GRID2: variants seen among roughly 807,000 people sequenced by gnomAD.
GRID2 encodes the protein glutamate receptor ionotropic, delta-2.
A neutral mutation model predicts 114.8 loss-of-function variants in GRID2; 33 were observed. The observed-to-expected ratio is 0.29, with a 90% CI of 0.22 to 0.38. The LOEUF is 0.38. Ranked by LOEUF, GRID2 falls within the 10% of genes least tolerant of loss-of-function variation. The pLI, the probability that GRID2 is intolerant of heterozygous loss-of-function variation, is 1.00. For missense variants in GRID2, 1,184 were observed against 1,257.7 expected, an observed-to-expected ratio of 0.94 and a Z score of 0.89; for synonymous variants, 505 against 449.9, an observed-to-expected ratio of 1.12 and a Z score of -1.55.
intron 1 of GRID2, among the ~76,000 whole-genome samples, chr4:92,564,356 AT>A (rs911441941): frequency 6.6e-6 from 1 of 152,062 alleles, no homozygotes; most frequent in Non-Finnish European, 1.5e-5. Flanking sequence ...TAAAAAAATC[AT>A]TGTTGCCCCT....
At chr4:92,919,545 T>C (rs1749125409) in intron 2 of GRID2, among the ~76,000 whole-genome samples, 1 of 152,224 alleles carries the variant, frequency 6.6e-6, no homozygotes, top group Non-Finnish European at 1.5e-5. Flanking sequence ...GATTCTGGTA[T>C]GTTGTGTCTT....
At chr4:93,685,170 T>C (rs1480260691) in intron 14 of GRID2, among the ~76,000 whole-genome samples, 1 of 152,096 alleles carries the variant, frequency 6.6e-6, no homozygotes, top group African/African-American at 2.4e-5. Context: ...CTTTATCATG[T>C]AAAGAAGAAA....
intron 1 of GRID2, among the ~76,000 whole-genome samples, chr4:92,333,364 C>T (rs1192942194): frequency 6.6e-6 from 1 of 152,168 alleles, no homozygotes; most frequent in Non-Finnish European, 1.5e-5. Flanking sequence ...AATGCTGAGG[C>T]CCCACAGGTG....
intron 1 of GRID2, among the ~76,000 whole-genome samples, chr4:92,353,622 T>G (rs1316386397): frequency 1.3e-5 from 2 of 152,040 alleles, no homozygotes; most frequent in Non-Finnish European, 2.9e-5. Context: ...ACAGAAGTTT[T>G]CTTGAACACC....
chr4:92,431,236 G>A (rs13150227), intron 1 of GRID2, among the ~76,000 whole-genome samples: 1,656 of 152,180 alleles, frequency 0.011, 21 homozygotes, highest in Non-Finnish European at 0.019. Flanking sequence ...TACTAGCTGT[G>A]GATTTGTCAT....
chr4:93,163,552 C>T (rs899617854), intron 4 of GRID2, among the ~76,000 whole-genome samples: 3 of 148,292 alleles, frequency 2.0e-5, no homozygotes, highest in Non-Finnish European at 4.5e-5. Context: ...GTGTGAATCA[C>T]TGCACTTGCC....
chr4:92,693,940 T>A (rs1179999810), intron 2 of GRID2, among the ~76,000 whole-genome samples: 1 of 152,116 alleles, frequency 6.6e-6, no homozygotes, highest in Non-Finnish European at 1.5e-5. Flanking sequence ...GTTGTGATAA[T>A]AACCAGAATT....
chr4:93,528,523 A>G (rs1439007639), intron 13 of GRID2, among the ~76,000 whole-genome samples: 3 of 151,692 alleles, frequency 2.0e-5, no homozygotes, highest in East Asian at 1.9e-4. Flanking sequence ...CTATTTTAGT[A>G]TGCATTTTTA....
intron 2 of GRID2, among the ~76,000 whole-genome samples, chr4:92,749,094 A>C (rs974402878): frequency 6.6e-6 from 1 of 151,314 alleles, no homozygotes; most frequent in Non-Finnish European, 1.5e-5. Context: ...CCCAGGTGCA[A>C]GCGATTCTCC....
intron 1 of GRID2, among the ~76,000 whole-genome samples, chr4:92,422,501 C>T (rs990551129): frequency 1.3e-5 from 2 of 151,998 alleles, no homozygotes; most frequent in Admixed American, 1.3e-4. Flanking sequence ...TTAAGGACAA[C>T]TTGGTGGGGA....
chr4:93,289,249 T>C (rs1287807263), intron 8 of GRID2, among the ~76,000 whole-genome samples: 1 of 152,180 alleles, frequency 6.6e-6, no homozygotes, highest in Non-Finnish European at 1.5e-5. Flanking sequence ...AAGTTTCTAT[T>C]ATCATACTGA....
At chr4:93,247,543 C>T (rs1748346353) in intron 8 of GRID2, among the ~76,000 whole-genome samples, 2 of 152,016 alleles carry the variant, frequency 1.3e-5, no homozygotes, top group Non-Finnish European at 2.9e-5. Context: ...ACCATCAGCC[C>T]CCCAGTTCTC....
intron 4 of GRID2, among the ~76,000 whole-genome samples, chr4:93,128,770 A>G (rs1246117505): frequency 1.3e-5 from 2 of 152,172 alleles, no homozygotes; most frequent in African/African-American, 4.8e-5. Flanking sequence ...TCCTGGTTCA[A>G]ACTCCCATGG....
chr4:93,290,457 A>G (rs1000693846), intron 8 of GRID2, among the ~76,000 whole-genome samples: 2 of 152,180 alleles, frequency 1.3e-5, no homozygotes, highest in African/African-American at 4.8e-5. Context: ...ACCTATGTTT[A>G]TATTTCATCT....
At chr4:92,488,104 T>C (rs900346276) in intron 1 of GRID2, among the ~76,000 whole-genome samples, 5 of 152,180 alleles carry the variant, frequency 3.3e-5, no homozygotes, top group African/African-American at 1.2e-4. Context: ...GTCATGATTC[T>C]TATATGTAGC....
At chr4:93,795,392 A>G (rs191199510) in intron 1 of GRID2, among the ~76,000 whole-genome samples, 148 of 152,156 alleles carry the variant, frequency 9.7e-4, no homozygotes, top group South Asian at 7.9e-3. Context: ...ATATACCTTT[A>G]CTTAATTTCC....
intron 1 of GRID2, among the ~76,000 whole-genome samples, chr4:92,543,260 A>C (rs1181378805): frequency 6.6e-6 from 1 of 152,142 alleles, no homozygotes; most frequent in Admixed American, 6.6e-5. Flanking sequence ...TCCATTTTGC[A>C]GGTTAGGAAA....
At chr4:92,832,351 G>T (rs1742167243) in intron 2 of GRID2, among the ~76,000 whole-genome samples, 1 of 152,010 alleles carries the variant, frequency 6.6e-6, no homozygotes, top group African/African-American at 2.4e-5. Flanking sequence ...TACTTGGGAG[G>T]CTGAGGCAGG....
At chr4:93,717,039 A>T (rs1266605255) in intron 14 of GRID2, among the ~76,000 whole-genome samples, 1 of 152,122 alleles carries the variant, frequency 6.6e-6, no homozygotes, top group Admixed American at 6.5e-5. Flanking sequence ...ATCAGCTTCA[A>T]TAATTAAAAG....
Sources: gnomAD v4.1 joint callset for allele counts (sites outside exome capture counted in the v4.1 genomes callset) on GRCh38, gnomAD v4.1.1 for gene constraint, MANE v1.5 for transcripts, NCBI Gene and HGNC (gene_info 2026-07-23, HGNC 2026-07-21) for gene names.